Variants in OR5B3 observed in about 807,000 individuals in gnomAD.
The protein encoded by OR5B3 is olfactory receptor family 5 subfamily B member 3, also known as olfactory receptor 5B3.
For synonymous variants in OR5B3, 150 were observed against 135.0 expected, an observed-to-expected ratio of 1.11 and a Z score of -0.77; for missense variants, 430 against 375.4, an observed-to-expected ratio of 1.15 and a Z score of -1.20.
chr11:58,402,847 G>T lies in OR5B3; in HGVS notation c.563C>A (p.Ser188Tyr), dbSNP rs1237601283. 1 of 1,613,914 alleles carries T rather than the reference G, an allele frequency of 6.2e-7. No individual in the cohort carries two copies. The highest frequency in any genetic ancestry group is 1.7e-5 in the Admixed American group (1 of 59,986). Residue 188 changes from serine to tyrosine, a missense_variant, in exon 2 of 2, where the codon TCT becomes TAT. Coordinates refer to ENST00000641865, the MANE Select transcript of OR5B3 (RefSeq NM_001005469.2). ...DIPAVMVLSC[S>Y]DRHISELVLI... ...AACAAGCTCGCTAATATGTCTATCA[G>T]AGCAAGAGAGAACCATGACTGCTGG...
At chr11:58,406,416 C>T (rs1234469478) in intron 1 of OR5B3, among the ~76,000 whole-genome samples, 1 of 151,968 alleles carries the variant, frequency 6.6e-6, no homozygotes, top group Non-Finnish European at 1.5e-5. Flanking sequence ...AGTTAAAACA[C>T]AGGTCATAGC....
intron 1 of OR5B3, among the ~76,000 whole-genome samples, chr11:58,406,419 G>C (rs548446284): frequency 6.6e-6 from 1 of 151,810 alleles, no homozygotes; most frequent in African/African-American, 2.4e-5. Context: ...TAAAACACAG[G>C]TCATAGCTCG....
intron 1 of OR5B3, among the ~76,000 whole-genome samples, chr11:58,405,459 G>A (rs543041166): frequency 6.6e-6 from 1 of 152,212 alleles, no homozygotes; most frequent in African/African-American, 2.4e-5. Context: ...GACATAGATG[G>A]ATCTGGAAGC....
chr11:58,403,609 G>A (rs112892989), intron 1 of OR5B3, among the ~76,000 whole-genome samples, 174 bp from the exon 2 acceptor site: 2 of 152,062 alleles, frequency 1.3e-5, no homozygotes, highest in Non-Finnish European at 2.9e-5. Context: ...GTTACATACT[G>A]TTGAAACTGA....
intron 1 of OR5B3, among the ~76,000 whole-genome samples, chr11:58,406,418 G>A (rs1292857494): frequency 1.3e-5 from 2 of 151,866 alleles, no homozygotes; most frequent in African/African-American, 4.8e-5. Flanking sequence ...TTAAAACACA[G>A]GTCATAGCTC....
At position 58,403,437 on chromosome 11, in the gene OR5B3, T is replaced by C. The variant is rs777987196; in HGVS notation, c.-26-2A>G. ...CTGCTCTGGGGGACTCACAGGATGC[T>C]TGTAGCAATACAAAAAAGAACAGTG... On this transcript the variant is annotated splice_acceptor_variant, in intron 1 of 1. Transcript: ENST00000641865. LOFTEE classifies it low-confidence loss of function (5UTR_SPLICE). 1 of 1,254,926 alleles carries C rather than the reference T, an allele frequency of 8.0e-7. No homozygotes were observed. Among genetic ancestry groups the C allele is most frequent in the Non-Finnish European group, 1.1e-6 (1 of 899,476 alleles). The allele number at this position is 1,254,926 out of a possible 1,614,324, so 77.7% of individuals were successfully genotyped here.
chr11:58,405,146 T>G (rs12419637), intron 1 of OR5B3, among the ~76,000 whole-genome samples: 50,005 of 151,970 alleles, frequency 0.33, 8,313 homozygotes, highest in Non-Finnish European at 0.36. Context: ...AGAACATGAG[T>G]TATTTGGTTT....
Position 58,403,400 on chromosome 11 carries a change from T to G in OR5B3, c.10A>C (p.Lys4Gln), listed in dbSNP as rs753462140. Residue 4 changes from lysine (K) to glutamine (Q), a missense_variant, in exon 2 of 2, where the codon AAG becomes CAG. Lys to Gln is a moderately conservative substitution (Grantham distance 53). Coordinates refer to ENST00000641865, the MANE Select transcript of OR5B3 (RefSeq NM_001005469.2). MEN[K>Q]TEVTQFILLG... ...AGAATGAATTGTGTTACTTCTGTCTTATTTTCCATCACTGCTCTGGGGGAC... is the reference window on the plus strand; with the variant it reads ...AGAATGAATTGTGTTACTTCTGTCTGATTTTCCATCACTGCTCTGGGGGAC... 7 of 1,562,748 alleles carry G rather than the reference T, an allele frequency of 4.5e-6. No homozygotes were observed. The highest frequency in any genetic ancestry group is 6.1e-6 in the Non-Finnish European group (7 of 1,150,908).
intron 1 of OR5B3, among the ~76,000 whole-genome samples, chr11:58,404,519 C>T (rs1855076621): frequency 1.3e-5 from 2 of 151,232 alleles, no homozygotes; most frequent in Admixed American, 1.3e-4. Flanking sequence ...TTGAAGCTCC[C>T]ACCTCCAATT....
In OR5B3 at chr11:58,403,207, T is replaced by G; in HGVS notation, c.203A>C (p.Asp68Ala). Reference protein sequence around the residue: ...YFFLSNLSLVDFCYSSAVTPI... With the variant: ...YFFLSNLSLVAFCYSSAVTPI... ...AGTGACAGCTGAAGAGTAGCAAAAG[T>G]CCACTAGAGACAAGTTACTGAGAAA... Residue 68 changes from aspartate to alanine, a missense_variant, in exon 2 of 2, where the codon GAC becomes GCC. Asp to Ala is a moderately radical substitution (Grantham distance 126, BLOSUM62 -2). Transcript: ENST00000641865. The G allele has an allele frequency of 6.2e-7, 1 of 1,613,824 alleles. No individual in the cohort carries two copies. The highest frequency in any genetic ancestry group is 8.5e-7 in the Non-Finnish European group (1 of 1,179,858).
Position 58,403,254 on chromosome 11 carries a change from A to G in OR5B3, c.156T>C (p.Cys52=). 2 of 1,613,804 alleles carry G rather than the reference A, an allele frequency of 1.2e-6. No homozygotes were observed. The highest frequency in any genetic ancestry group is 2.2e-5 in the East Asian group (1 of 44,878). ...GAAAAAAGTACATGGGATTGTGGAGACAGGAATCCCAGAATATCAATACAA... is the reference window on the plus strand; with the variant it reads ...GAAAAAAGTACATGGGATTGTGGAGGCAGGAATCCCAGAATATCAATACAA... The part of the protein sequence containing the change: ...GIIVLIFWDS[C]LHNPMYFFLS... Residue 52 remains cysteine (C), a synonymous_variant, in exon 2 of 2, where the codon TGT becomes TGC. Coordinates refer to ENST00000641865, the MANE Select transcript of OR5B3 (RefSeq NM_001005469.2).
At chr11:58,404,152 C>T (rs1191849651) in intron 1 of OR5B3, among the ~76,000 whole-genome samples, 4 of 151,890 alleles carry the variant, frequency 2.6e-5, no homozygotes, top group Non-Finnish European at 5.9e-5. Context: ...TGTTCAACTA[C>T]CAGAAACAAT....
rs1380661770 is a variant in OR5B3, at chr11:58,403,196, A to G, written c.214T>C (p.Ser72Pro). The G allele has an allele frequency of 6.2e-7, 1 of 1,613,926 alleles. No homozygotes were observed. Residue 72 changes from serine to proline, a missense_variant, in exon 2 of 2, where the codon TCT (serine) becomes CCT (proline). By Grantham distance (74) the Ser-to-Pro change is moderately conservative (BLOSUM62 -1). Coordinates refer to ENST00000641865, the MANE Select transcript of OR5B3 (RefSeq NM_001005469.2). ...SNLSLVDFCY[S>P]SAVTPIVMAG... The stretch of plus-strand genomic sequence containing the variant: ...ATGACGATGGGAGTGACAGCTGAAG[A>G]GTAGCAAAAGTCCACTAGAGACAAG...
rs760432396 is a variant in OR5B3, at chr11:58,403,388, T to A, written c.22A>T (p.Thr8Ser). The change falls in exon 2 of 2, where the codon ACA becomes TCA. Residue 8 changes from threonine to serine, a missense_variant. Physicochemically the swap from Thr to Ser is moderately conservative, Grantham distance 58. Coordinates refer to ENST00000641865, the MANE Select transcript of OR5B3 (RefSeq NM_001005469.2). The stretch of plus-strand genomic sequence containing the variant: ...GTTAGTCCTAGAAGAATGAATTGTG[T>A]TACTTCTGTCTTATTTTCCATCACT... MENKTEV[T>S]QFILLGLTND... 1 of 1,583,294 alleles carries A rather than the reference T, an allele frequency of 6.3e-7. No homozygotes were observed.
At chr11:58,404,878 G>A (rs538494410) in intron 1 of OR5B3, among the ~76,000 whole-genome samples, 2 of 152,160 alleles carry the variant, frequency 1.3e-5, no homozygotes, top group South Asian at 4.1e-4. Context: ...CAATATTTTA[G>A]TATTTATTTA....
Position 58,403,255 on chromosome 11 carries a change from C to G in OR5B3, c.155G>C (p.Cys52Ser). Residue 52 changes from cysteine to serine, a missense_variant, in exon 2 of 2, where the codon TGT becomes TCT. Physicochemically the swap from Cys to Ser is moderately radical, Grantham distance 112. Transcript: ENST00000641865. ...GIIVLIFWDSCLHNPMYFFLS... is the reference protein window; with the variant it reads ...GIIVLIFWDSSLHNPMYFFLS... ...AAAAAAGTACATGGGATTGTGGAGA[C>G]AGGAATCCCAGAATATCAATACAAT... is the stretch of plus-strand genomic sequence containing the variant. 3 of 1,613,818 alleles carry G rather than the reference C, an allele frequency of 1.9e-6. No individual in the cohort carries two copies. The highest frequency in any genetic ancestry group is 1.7e-6 in the Non-Finnish European group (2 of 1,179,842).
At chr11:58,403,846 G>A (rs1855068493) in intron 1 of OR5B3, among the ~76,000 whole-genome samples, 1 of 152,198 alleles carries the variant, frequency 6.6e-6, no homozygotes, top group Middle Eastern at 3.4e-3. Flanking sequence ...TTATGTATTT[G>A]ATTAGTTGTT....
At chr11:58,406,539 A>T (rs922292639) in intron 1 of OR5B3, among the ~76,000 whole-genome samples, 2 of 151,954 alleles carry the variant, frequency 1.3e-5, no homozygotes, top group Non-Finnish European at 2.9e-5. Flanking sequence ...TATAACAAAC[A>T]GATAAAATTA....
chr11:58,404,044 C>G (rs1253897573), intron 1 of OR5B3, among the ~76,000 whole-genome samples: 1 of 152,074 alleles, frequency 6.6e-6, no homozygotes, highest in Non-Finnish European at 1.5e-5. Context: ...CACTCATTGT[C>G]TCCTTTGGTA....
Sources: allele counts gnomAD v4.1 joint callset (sites outside exome capture counted in the v4.1 genomes callset), GRCh38; gene constraint gnomAD v4.1.1; transcripts MANE v1.5; gene names NCBI Gene and HGNC (gene_info 2026-07-23, HGNC 2026-07-21).